IGFL2: variants seen among roughly 807,000 people sequenced by gnomAD.
The protein encoded by IGFL2 is insulin growth factor-like family member 2.
A neutral mutation model predicts 13.9 loss-of-function variants in IGFL2; 7 were observed. The observed-to-expected ratio is 0.51, with a 90% CI of 0.29 to 0.95. The LOEUF (loss-of-function observed/expected upper bound fraction) is 0.95, where lower values mean the gene tolerates loss of function less well. IGFL2 is among the 40% of genes least tolerant of loss of function. The pLI is 0.08. For synonymous variants in IGFL2, 55 were observed against 55.8 expected (o/e 0.99, Z 0.07); for missense variants, 138 against 147.8 (o/e 0.93, Z 0.34).
the IGFL2 span, among the ~76,000 whole-genome samples, chr19:46,086,335 G>A: frequency 6.7e-6 from 1 of 150,348 alleles, no homozygotes; most frequent in Non-Finnish European, 1.5e-5. Flanking sequence ...TTTTTTTCTT[G>A]TTTTTTGGAG....
At chr19:46,147,830 C>T (rs553579946), upstream of IGFL2, 7 of 157,948 alleles carry the variant, frequency 4.4e-5, 1 homozygote, top group South Asian at 4.1e-4. Flanking sequence ...GGTCTGGAGC[C>T]GGACTGAGAT....
At chr19:46,197,193 CT>C in the IGFL2 span, 1 of 219,202 alleles carries the variant, frequency 4.6e-6, no homozygotes, top group Non-Finnish European at 9.6e-6. Context: ...AGTGCTGCCC[CT>C]GGTCCCTCAG....
the IGFL2 span, among the ~76,000 whole-genome samples, chr19:46,172,014 AT>A: frequency 1.4e-4 from 21 of 152,322 alleles, no homozygotes; most frequent in African/African-American, 4.6e-4. Flanking sequence ...TGATAGAAAC[AT>A]CCCTAATTCA....
chr19:46,096,854 T>C, the IGFL2 span, among the ~76,000 whole-genome samples: 1 of 152,236 alleles, frequency 6.6e-6, no homozygotes, highest in Non-Finnish European at 1.5e-5. Context: ...CAGCCTTGCA[T>C]CCCATGGATG....
chr19:46,103,545 G>A, the IGFL2 span, among the ~76,000 whole-genome samples: 7 of 152,290 alleles, frequency 4.6e-5, no homozygotes, highest in South Asian at 1.0e-3. Flanking sequence ...CAAGAGTGGC[G>A]GATTGGGGAT....
the IGFL2 span, chr19:46,203,982 G>A: frequency 6.6e-6 from 1 of 152,192 alleles, no homozygotes; most frequent in African/African-American, 2.4e-5. Context: ...CTCCCAAAGT[G>A]CTAGGATTAC....
the IGFL2 span, among the ~76,000 whole-genome samples, chr19:46,116,390 C>A: frequency 6.6e-6 from 1 of 152,130 alleles, no homozygotes; most frequent in African/African-American, 2.4e-5. Context: ...AATAGTCTGA[C>A]TGGGAAATCC....
chr19:46,145,431 C>T (rs1198049135), upstream of IGFL2, among the ~76,000 whole-genome samples: 1 of 152,062 alleles, frequency 6.6e-6, no homozygotes, highest in African/African-American at 2.4e-5. Flanking sequence ...CCTTGCAACA[C>T]CCCAAACAGG....
the IGFL2 span, chr19:46,180,772 T>G: frequency 3.3e-5 from 5 of 152,334 alleles, no homozygotes; most frequent in Non-Finnish European, 5.9e-5. Context: ...ACCACTGGTG[T>G]AAGTCCAAGG....
chr19:46,185,430 C>T, the IGFL2 span, among the ~76,000 whole-genome samples: 1 of 152,292 alleles, frequency 6.6e-6, no homozygotes, highest in Admixed American at 6.5e-5. Context: ...ATTTAGGCAC[C>T]CGCCTTCACT....
intron 1 of IGFL2, among the ~76,000 whole-genome samples, chr19:46,150,816 C>G (rs773212408): frequency 5.3e-5 from 8 of 152,020 alleles, no homozygotes; most frequent in Non-Finnish European, 8.8e-5. Context: ...ACCACAGGCA[C>G]GCACCACCAC....
the IGFL2 span, among the ~76,000 whole-genome samples, chr19:46,130,122 C>CTT: frequency 6.6e-6 from 1 of 152,076 alleles, no homozygotes; most frequent in African/African-American, 2.4e-5. Context: ...TAATACCCTT[C>CTT]TTTGTCTTTT....
the IGFL2 span, among the ~76,000 whole-genome samples, chr19:46,083,365 A>C: frequency 5.3e-5 from 8 of 152,224 alleles, no homozygotes; most frequent in Non-Finnish European, 1.2e-4. Context: ...TAAGAAATGG[A>C]TATGTGCTCT....
the IGFL2 span, among the ~76,000 whole-genome samples, chr19:46,095,563 C>A: frequency 6.6e-6 from 1 of 152,114 alleles, no homozygotes; most frequent in Non-Finnish European, 1.5e-5. Flanking sequence ...GCTTTGGTTG[C>A]AACTGCTTTT....
chr19:46,208,847 T>G, the IGFL2 span: 1 of 152,138 alleles, frequency 6.6e-6, no homozygotes, highest in Non-Finnish European at 1.5e-5. Flanking sequence ...ATTAAACCTC[T>G]TTCCTTTATA....
chr19:46,214,254 G>C, the IGFL2 span: 1 of 152,306 alleles, frequency 6.6e-6, no homozygotes, highest in East Asian at 1.9e-4. Context: ...TCGGGGCTCT[G>C]GGTTCCCGCC....
At position 46,160,861 on chromosome 19, in the gene IGFL2, C is replaced by T; in HGVS notation, c.321C>T (p.Pro107=). The T allele has an allele frequency of 1.2e-6, 2 of 1,613,916 alleles. No individual in the cohort carries two copies. Among genetic ancestry groups the T allele is most frequent in the South Asian group, 2.2e-5 (2 of 91,076 alleles). The change falls in exon 3 of 4, where the codon CCC becomes CCT. Residue 107 remains proline (P), a synonymous_variant. Coordinates refer to ENST00000377693, the MANE Select transcript of IGFL2 (RefSeq NM_001135113.2). ...TGAATTCCCAGTGCCACTCATCTCC[C>T]ATCTCCAGTAAATGTGAAAGGTAGG... ...QGVNSQCHSS[P]ISSKCESRRR...
the IGFL2 span, chr19:46,136,915 C>A: frequency 1.1e-6 from 1 of 912,368 alleles, no homozygotes; most frequent in Admixed American, 1.7e-5. Flanking sequence ...CACATGTCCT[C>A]TGGGCACATG....
chr19:46,160,512 T>C, intron 2 of IGFL2, 44 bp downstream of exon 2: 2 of 1,613,126 alleles, frequency 1.2e-6, no homozygotes, highest in Non-Finnish European at 1.7e-6. Flanking sequence ...GGAGGCTGAC[T>C]TTGGAAAGTG....
Sources: allele counts gnomAD v4.1 joint callset (sites outside exome capture counted in the v4.1 genomes callset), GRCh38; gene constraint gnomAD v4.1.1; transcripts MANE v1.5; gene names NCBI Gene and HGNC (gene_info 2026-07-23, HGNC 2026-07-21).